The following AFAP1L1 variants were observed in gnomAD, a reference collection of about 807,000 sequenced individuals.
AFAP1L1 encodes the protein actin filament-associated protein 1-like 1.
Under a neutral mutation model 99.8 loss-of-function variants are expected in AFAP1L1, and 77 were observed. The observed-to-expected ratio is 0.77, with a 90% confidence interval of 0.64 to 0.93. The LOEUF is 0.93. Ranked by LOEUF, AFAP1L1 falls within the 40% of genes least tolerant of loss-of-function variation. The pLI, the probability that AFAP1L1 is intolerant of heterozygous loss-of-function variation, is 0.00. For synonymous variants in AFAP1L1, 373 were observed against 395.3 expected (o/e 0.94, Z 0.67); for missense variants, 893 against 996.8 (o/e 0.90, Z 1.40).
At chr5:149,296,612 T>C (rs1393735256) in intron 1 of AFAP1L1, among the ~76,000 whole-genome samples, 2 of 152,190 alleles carry the variant, frequency 1.3e-5, no homozygotes, top group African/African-American at 2.4e-5. Context: ...AGAATGCGCG[T>C]TGGGACAGTT....
intron 15 of AFAP1L1, among the ~76,000 whole-genome samples, chr5:149,325,716 A>G (rs1268664285): frequency 6.6e-6 from 1 of 152,222 alleles, no homozygotes; most frequent in East Asian, 1.9e-4. Flanking sequence ...TTTATAATGA[A>G]CAGAAATTAT....
At chr5:149,301,041 C>A in intron 3 of AFAP1L1, 92 bp from the exon 4 acceptor site, 1 of 1,080,644 alleles carries the variant, frequency 9.3e-7, no homozygotes, top group Non-Finnish European at 1.4e-6. Context: ...CGACCTCACA[C>A]TCAGGCCTCC....
At chr5:149,313,213 T>C (rs552441534) in intron 9 of AFAP1L1, among the ~76,000 whole-genome samples, 12 of 151,836 alleles carry the variant, frequency 7.9e-5, no homozygotes, top group African/African-American at 2.4e-4. Flanking sequence ...TTAGCAAATA[T>C]GTCCCAGTAC....
Position 149,322,617 on chromosome 5 carries a change from C to T in AFAP1L1, c.1710C>T (p.Pro570=), listed in dbSNP as rs762365138. 3.1e-5 allele frequency: 49 copies of T among 1,577,210 alleles called. No individual in the cohort carries two copies. Among genetic ancestry groups the T allele is most frequent in the Middle Eastern group, 3.3e-4 (2 of 6,030 alleles). ...VPYEKMQDEE[P]ERPTGAQVKR... ...CCATCTCCCACCAGGACGAGGAGCC[C>T]GAGCGCCCCACAGGGGCCCAGGTGA... Residue 570 remains proline (P), a synonymous_variant, in exon 15 of 19, where the codon CCC becomes CCT. Coordinates refer to ENST00000296721, the MANE Select transcript of AFAP1L1 (RefSeq NM_152406.4).
At chr5:149,295,011 G>A (rs1331769839) in intron 1 of AFAP1L1, among the ~76,000 whole-genome samples, 2 of 152,216 alleles carry the variant, frequency 1.3e-5, no homozygotes, top group African/African-American at 4.8e-5. Flanking sequence ...ATGAGATAAT[G>A]TGCATTAACT....
At chr5:149,335,952 G>A (rs1476402119) in intron 18 of AFAP1L1, among the ~76,000 whole-genome samples, 1 of 152,206 alleles carries the variant, frequency 6.6e-6, no homozygotes, top group Non-Finnish European at 1.5e-5. Flanking sequence ...TCTGGTTTCT[G>A]AGCCTACAAT....
At chr5:149,337,805 G>A (rs1257830171) in intron 18 of AFAP1L1, among the ~76,000 whole-genome samples, 4 of 152,142 alleles carry the variant, frequency 2.6e-5, no homozygotes, top group Admixed American at 6.5e-5. Context: ...GAGACTGGGA[G>A]TAGGGTTGGA....
At chr5:149,291,602 C>T (rs1269779399) in intron 1 of AFAP1L1, among the ~76,000 whole-genome samples, 3 of 149,904 alleles carry the variant, frequency 2.0e-5, no homozygotes, top group Non-Finnish European at 4.4e-5. Flanking sequence ...GAAAAGGCTG[C>T]TCTTCCTTTC....
intron 1 of AFAP1L1, among the ~76,000 whole-genome samples, chr5:149,277,234 T>C (rs954799332): frequency 1.3e-5 from 2 of 152,232 alleles, no homozygotes; most frequent in African/African-American, 4.8e-5. Flanking sequence ...GGAATTTCTT[T>C]TGCTGCGTTC....
chr5:149,315,289 C>T (rs1015894909), intron 9 of AFAP1L1, among the ~76,000 whole-genome samples: 7 of 152,178 alleles, frequency 4.6e-5, no homozygotes, highest in African/African-American at 1.7e-4. Context: ...CTGCTGGTCA[C>T]CAGGTCCCGC....
chr5:149,307,857 T>TCTCTCTCTCTCTCTCTCTCTCTCA (rs57582125), intron 7 of AFAP1L1, among the ~76,000 whole-genome samples: 1 of 147,534 alleles, frequency 6.8e-6, no homozygotes. Flanking sequence ...TCTCTCTCTC[T>TCTCTCTCTCTCTCTCTCTCTCTCA]TAAATTTAAA....
At chr5:149,326,982 G>T (rs1030148998) in intron 15 of AFAP1L1, among the ~76,000 whole-genome samples, 1 of 152,052 alleles carries the variant, frequency 6.6e-6, no homozygotes, top group African/African-American at 2.4e-5. Context: ...CCCGGTTGGG[G>T]GGATGCATAT....
chr5:149,274,168 A>T (rs4705335), intron 1 of AFAP1L1, among the ~76,000 whole-genome samples: 2 of 152,116 alleles, frequency 1.3e-5, no homozygotes, highest in Non-Finnish European at 2.9e-5. Flanking sequence ...CTCCCTACCC[A>T]GAAGTAAGCT....
At position 149,322,678 on chromosome 5, in the gene AFAP1L1, C is replaced by A. The variant is rs114805975; in HGVS notation, c.1771C>A (p.Arg591Ser). Residue 591 changes from arginine to serine, a missense_variant, in exon 15 of 19, where the codon CGT becomes AGT. By Grantham distance (110) the Arg-to-Ser change is moderately radical. Transcript: ENST00000296721. ...CTCCTCCTGCAGTGAGAAGTCCCAT[C>A]GTGTGGACCCGCAGGTCAAAGTCAA... Reference protein sequence around the residue: ...HASSCSEKSHRVDPQVKVKRH... With the variant: ...HASSCSEKSHSVDPQVKVKRH... The A allele has an allele frequency of 1.3e-3, 2,139 of 1,593,736 alleles. 24 individuals carry two copies. In the African/African-American group the frequency reaches 0.026, roughly 19 times the overall value.
In AFAP1L1 at chr5:149,335,453, G is replaced by A. The variant is rs187645287; in HGVS notation, c.2155-141G>A. On this transcript the variant is annotated intron_variant, in intron 17 of 18. Transcript: ENST00000296721. ...CAGTGAGCCAAGCTCGTGCCACTGCGCTCCCGCCTGGGTGACAGAGACTCT... is the reference window on the plus strand; with the variant it reads ...CAGTGAGCCAAGCTCGTGCCACTGCACTCCCGCCTGGGTGACAGAGACTCT... 7.1e-4 allele frequency: 804 copies of A among 1,127,698 alleles called. 4 individuals are homozygous for A. The highest frequency in any genetic ancestry group is 1.3e-3 in the Middle Eastern group (4 of 3,110). The allele number at this position is 1,127,698 out of a possible 1,614,324, so 69.9% of individuals were successfully genotyped here.
In AFAP1L1 at chr5:149,320,479, G is replaced by A; in HGVS notation, c.1698+16G>A. On this transcript the variant is annotated intron_variant, in intron 14 of 18. Transcript: ENST00000296721. The surrounding 1 kb of genome is among the most constrained non-coding windows in gnomAD (Gnocchi z 4.0). ...AAAGATGCAGGTACAGTCCCTTGGG[G>A]CTGCCCAGGAATGTGGCAAAGGCCA... 3 of 1,613,390 alleles carry A rather than the reference G, an allele frequency of 1.9e-6. No homozygotes were observed. The highest frequency in any genetic ancestry group is 1.7e-6 in the Non-Finnish European group (2 of 1,179,386).
At chr5:149,279,740 C>T (rs1040384195) in intron 1 of AFAP1L1, among the ~76,000 whole-genome samples, 20 of 152,334 alleles carry the variant, frequency 1.3e-4, no homozygotes, top group African/African-American at 3.6e-4. Flanking sequence ...CCACCTACCT[C>T]TTGCCCTGGG....
Position 149,335,587 on chromosome 5 carries a change from T to C in AFAP1L1, c.2155-7T>C, listed in dbSNP as rs1230601349. ...TCACCTATATAATTATTTATTGCCATCAACAGGAAACTGCAAATAAACCCC... is the reference window on the plus strand; with the variant it reads ...TCACCTATATAATTATTTATTGCCACCAACAGGAAACTGCAAATAAACCCC... On this transcript the variant is annotated splice_region_variant and splice_polypyrimidine_tract_variant and intron_variant, in intron 17 of 18. Coordinates refer to ENST00000296721, the MANE Select transcript of AFAP1L1 (RefSeq NM_152406.4). The C allele has an allele frequency of 1.2e-6, 2 of 1,611,858 alleles. No individual in the cohort carries two copies. The highest frequency in any genetic ancestry group is 2.2e-5 in the East Asian group (1 of 44,894).
chr5:149,320,481 T>C lies in AFAP1L1; in HGVS notation c.1698+18T>C. The C allele has an allele frequency of 6.2e-7, 1 of 1,613,616 alleles. No individual in the cohort carries two copies. Among genetic ancestry groups the C allele is most frequent in the Non-Finnish European group, 8.5e-7 (1 of 1,179,526 alleles). ...AGATGCAGGTACAGTCCCTTGGGGC[T>C]GCCCAGGAATGTGGCAAAGGCCACT... is the stretch of plus-strand genomic sequence containing the variant. On this transcript the variant is annotated intron_variant, in intron 14 of 18. Transcript: ENST00000296721. This position sits in a 1 kb window ranked among gnomAD's most constrained non-coding sequence, Gnocchi z 4.0.
Sources: allele counts gnomAD v4.1 joint callset (sites outside exome capture counted in the v4.1 genomes callset), GRCh38; gene constraint gnomAD v4.1.1; non-coding constraint Gnocchi (gnomAD v3.1); transcripts MANE v1.5; gene names NCBI Gene and HGNC (gene_info 2026-07-23, HGNC 2026-07-21).